Variants in RTN1 observed in about 807,000 individuals in gnomAD.
RTN1 encodes reticulon 1, also known as reticulon-1.
RTN1 carries 25 observed loss-of-function variants against 65.5 expected under a neutral mutation model. The ratio of observed to expected loss-of-function variants is 0.38; its 90% CI spans 0.28 to 0.53. The LOEUF is 0.53. Ranked by LOEUF, RTN1 falls within the 20% of genes least tolerant of loss-of-function variation. The probability of loss-of-function intolerance (pLI) is 0.79; values close to 1 mark genes in which losing one functional copy is unlikely to be tolerated. For missense variants in RTN1, 983 were observed against 1,025.4 expected, an observed-to-expected ratio of 0.96 and a Z score of 0.57; for synonymous variants, 471 against 447.6, an observed-to-expected ratio of 1.05 and a Z score of -0.66.
At chr14:59,738,837 A>G (rs543384145) in intron 2 of RTN1, among the ~76,000 whole-genome samples, 12 of 152,360 alleles carry the variant, frequency 7.9e-5, no homozygotes, top group South Asian at 4.1e-4. Context: ...GAACAGGATC[A>G]TATTCTTCAC....
chr14:59,787,839 C>T (rs1013496589), intron 1 of RTN1, among the ~76,000 whole-genome samples: 3 of 152,074 alleles, frequency 2.0e-5, no homozygotes, highest in Admixed American at 6.6e-5. Flanking sequence ...CTCTCCCTTC[C>T]GAGTCCCCAT....
intron 3 of RTN1, among the ~76,000 whole-genome samples, chr14:59,651,116 C>T (rs1029849382): frequency 3.3e-5 from 5 of 152,070 alleles, no homozygotes; most frequent in African/African-American, 4.8e-5. Context: ...GGAGGTGTCA[C>T]GTTACTCAAC....
chr14:59,721,005 C>CT lies in RTN1; in HGVS notation c.1765+5913dup, dbSNP rs561427693. On this transcript the variant is annotated intron_variant, in intron 3 of 8. Transcript: ENST00000267484. The stretch of plus-strand genomic sequence containing the variant: ...CACATACAGGACTAGGGTATAATGA[C>CT]TTTTTTTTTTTAGAATTATGAGAAG... Among the ~76,000 whole-genome samples, 58 of 145,700 alleles carry CT rather than the reference C, an allele frequency of 4.0e-4. 1 individual carries two copies. The highest frequency in any genetic ancestry group is 6.9e-4 in the Admixed American group (10 of 14,512).
intron 1 of RTN1, among the ~76,000 whole-genome samples, chr14:59,810,884 G>A (rs1389859096): frequency 6.6e-6 from 1 of 152,168 alleles, no homozygotes; most frequent in Non-Finnish European, 1.5e-5. Context: ...CATAGTTGGA[G>A]CAGTAGGTAG....
At chr14:59,783,626 G>C (rs1359767782) in intron 1 of RTN1, among the ~76,000 whole-genome samples, 1 of 152,114 alleles carries the variant, frequency 6.6e-6, no homozygotes, top group Non-Finnish European at 1.5e-5. Context: ...GCGGCCTCTG[G>C]ACTCAGAAAT....
Position 59,836,217 on chromosome 14 carries a change from G to GT in RTN1, c.241+34172dup, listed in dbSNP as rs1245759785. ...GCCAGATAAGGTAACATATTCACAG[G>GT]TTCCAGGGATTAGACGTGGACACCT... is the stretch of plus-strand genomic sequence containing the variant. On this transcript the variant is annotated intron_variant, in intron 1 of 8. Transcript: ENST00000267484. This position sits in a 1 kb window ranked among gnomAD's most constrained non-coding sequence, Gnocchi z 4.9. Among the ~76,000 whole-genome samples, 1 of 152,206 alleles carries GT rather than the reference G, an allele frequency of 6.6e-6. No individual in the cohort carries two copies. Among genetic ancestry groups the GT allele is most frequent in the African/African-American group, 2.4e-5 (1 of 41,454 alleles).
chr14:59,812,098 T>C (rs144369989), intron 1 of RTN1, among the ~76,000 whole-genome samples: 192 of 152,248 alleles, frequency 1.3e-3, no homozygotes, highest in African/African-American at 4.3e-3. Flanking sequence ...AAGCAAACCA[T>C]TGCTACAAAG....
At chr14:59,613,512 C>G (rs1405304793) in intron 3 of RTN1, among the ~76,000 whole-genome samples, 2 of 152,116 alleles carry the variant, frequency 1.3e-5, no homozygotes, top group Admixed American at 1.3e-4. Flanking sequence ...GTTGGCCAGA[C>G]TGATCTTGAA....
intron 1 of RTN1, among the ~76,000 whole-genome samples, chr14:59,826,400 A>T (rs561958645): frequency 6.6e-6 from 1 of 152,208 alleles, no homozygotes; most frequent in Admixed American, 6.5e-5. Flanking sequence ...TAAGCACTCC[A>T]TACCTGTTAA....
At chr14:59,788,587 C>T (rs1366337284) in intron 1 of RTN1, among the ~76,000 whole-genome samples, 2 of 152,084 alleles carry the variant, frequency 1.3e-5, no homozygotes, top group East Asian at 3.8e-4. Flanking sequence ...TTCTGTCAGT[C>T]AGTTAAATAC....
chr14:59,849,590 G>A lies in RTN1; in HGVS notation c.241+20800C>T, dbSNP rs1322360284. 2.6e-5 allele frequency among the ~76,000 whole-genome samples: 4 copies of A among 152,178 alleles called. No individual in the cohort carries two copies. Among genetic ancestry groups the A allele is most frequent in the African/African-American group, 7.2e-5 (3 of 41,446 alleles). On this transcript the variant is annotated intron_variant, in intron 1 of 8. Transcript: ENST00000267484. The surrounding 1 kb of genome is among the most constrained non-coding windows in gnomAD (Gnocchi z 4.5). ...GCCCACAGGCCTGACTCAGCCCACT[G>A]ATTGATTTCATTCAGCTGGGGGTGA... is the stretch of plus-strand genomic sequence containing the variant.
At chr14:59,750,302 A>ATATAATATCTATAATC (rs1885454341) in intron 1 of RTN1, among the ~76,000 whole-genome samples, 1 of 39,304 alleles carries the variant, frequency 2.5e-5, no homozygotes, top group African/African-American at 1.2e-4. Context: ...TATCTATAAT[A>ATATAATATCTATAATC]TATAATATAT....
rs1887868275 is a variant in RTN1 at position 59,870,086 on chromosome 14, A to G, written c.241+304T>C. Among the ~76,000 whole-genome samples, 1 of 152,222 alleles carries G rather than the reference A, an allele frequency of 6.6e-6. No homozygotes were observed. The highest frequency in any genetic ancestry group is 6.5e-5 in the Admixed American group (1 of 15,294). ...TGGCAGGAGGGAGAAACTTGTACCC[A>G]GACTCGCCAGCAGCCAGAATGCTGC... On this transcript the variant is annotated intron_variant, in intron 1 of 8. Transcript: ENST00000267484. This position sits in a 1 kb window ranked among gnomAD's most constrained non-coding sequence, Gnocchi z 5.1.
chr14:59,698,358 G>A (rs550131414), intron 3 of RTN1, among the ~76,000 whole-genome samples: 1 of 152,200 alleles, frequency 6.6e-6, no homozygotes, highest in East Asian at 1.9e-4. Flanking sequence ...CAATTGGAAG[G>A]AACAAATAGT....
At chr14:59,764,116 G>C (rs974841923) in intron 1 of RTN1, among the ~76,000 whole-genome samples, 2 of 152,062 alleles carry the variant, frequency 1.3e-5, no homozygotes, top group Non-Finnish European at 2.9e-5. Flanking sequence ...ACAAATATGA[G>C]AGCTTATGGA....
intron 8 of RTN1, among the ~76,000 whole-genome samples, chr14:59,597,941 G>A (rs934589270): frequency 6.6e-6 from 1 of 152,158 alleles, no homozygotes; most frequent in Non-Finnish European, 1.5e-5. Flanking sequence ...GGACCAGATG[G>A]TGGGTGTTGG....
intron 3 of RTN1, among the ~76,000 whole-genome samples, chr14:59,672,407 C>T (rs891297280): frequency 6.6e-6 from 1 of 152,100 alleles, no homozygotes; most frequent in African/African-American, 2.4e-5. Flanking sequence ...CTTTAAAACA[C>T]TCAAATTCCA....
intron 3 of RTN1, among the ~76,000 whole-genome samples, chr14:59,681,932 C>G (rs1883753208): frequency 6.6e-6 from 1 of 152,234 alleles, no homozygotes. Context: ...ACCCTCGTCA[C>G]TGCTCACTAG....
chr14:59,814,578 T>G (rs561976996), intron 1 of RTN1, among the ~76,000 whole-genome samples: 1 of 152,322 alleles, frequency 6.6e-6, no homozygotes, highest in East Asian at 1.9e-4. Flanking sequence ...TTTAATCCAT[T>G]AACTCATTTT....
Sources: allele counts gnomAD v4.1 joint callset (sites outside exome capture counted in the v4.1 genomes callset), GRCh38; gene constraint gnomAD v4.1.1; non-coding constraint Gnocchi (gnomAD v3.1); transcripts MANE v1.5; gene names NCBI Gene and HGNC (gene_info 2026-07-23, HGNC 2026-07-21).